The following CCDC144A variants were observed in gnomAD, a reference collection of about 807,000 sequenced individuals.
CCDC144A encodes coiled-coil domain containing 144A.
CCDC144A carries 41 observed loss-of-function variants against 143.8 expected under a neutral mutation model. The observed-to-expected ratio is 0.29, with a 90% CI of 0.22 to 0.37. The LOEUF (loss-of-function observed/expected upper bound fraction) is 0.37, where lower values mean the gene tolerates loss of function less well. CCDC144A is among the 10% of genes least tolerant of loss of function. The probability of loss-of-function intolerance (pLI) is 1.00; values close to 1 mark genes in which losing one functional copy is unlikely to be tolerated. For synonymous variants in CCDC144A, 242 were observed against 517.9 expected (o/e 0.47, Z 7.23); for missense variants, 637 against 1,488.8 (o/e 0.43, Z 9.41).
the CCDC144A span, among the ~76,000 whole-genome samples, chr17:16,682,650 G>C: frequency 6.6e-6 from 1 of 151,954 alleles, no homozygotes; most frequent in Non-Finnish European, 1.5e-5. Flanking sequence ...GGGGAAAGTG[G>C]GTTAAGTGTT....
chr17:16,704,925 G>T (rs1468569682), intron 2 of CCDC144A, among the ~76,000 whole-genome samples: 1 of 152,116 alleles, frequency 6.6e-6, no homozygotes, highest in Non-Finnish European at 1.5e-5. Context: ...GTAAGTAATA[G>T]TAAGCAGTAA....
At chr17:16,732,743 A>C in intron 11 of CCDC144A, 77 bp downstream of exon 11, 4 of 960,316 alleles carry the variant, frequency 4.2e-6, no homozygotes, top group Non-Finnish European at 6.0e-6. Context: ...GCAACTTGGA[A>C]AGTACAATGG....
intron 12 of CCDC144A, among the ~76,000 whole-genome samples, chr17:16,753,856 A>G (rs1914942304): frequency 6.6e-6 from 1 of 152,240 alleles, no homozygotes; most frequent in Non-Finnish European, 1.5e-5. Context: ...CCTTAGAGTA[A>G]TACTGAACTT....
intron 2 of CCDC144A, among the ~76,000 whole-genome samples, chr17:16,704,591 C>T (rs1911938258): frequency 6.6e-6 from 1 of 151,822 alleles, no homozygotes; most frequent in Non-Finnish European, 1.5e-5. Context: ...TAGACTAATC[C>T]TGTTCTCACA....
At chr17:16,755,862 CT>C (rs1915059295) in intron 12 of CCDC144A, among the ~76,000 whole-genome samples, 1 of 152,206 alleles carries the variant, frequency 6.6e-6, no homozygotes, top group Non-Finnish European at 1.5e-5. Flanking sequence ...CACCTGGCCC[CT>C]CTTTTTCAGT....
chr17:16,708,335 C>T (rs1456883506), intron 4 of CCDC144A, among the ~76,000 whole-genome samples: 4 of 152,212 alleles, frequency 2.6e-5, no homozygotes, highest in African/African-American at 9.6e-5. Context: ...TGCCTACCCT[C>T]CAGTTAGTAA....
intron 6 of CCDC144A, among the ~76,000 whole-genome samples, chr17:16,717,629 T>C (rs1320872631): frequency 6.6e-6 from 1 of 152,170 alleles, no homozygotes; most frequent in Non-Finnish European, 1.5e-5. Flanking sequence ...AAAATATAAC[T>C]TTCCATATAT....
chr17:16,683,862 T>C, the CCDC144A span: 6 of 1,393,456 alleles, frequency 4.3e-6, no homozygotes, highest in Middle Eastern at 2.5e-4. Flanking sequence ...TTTTCCTACA[T>C]GGGAGACTTC....
chr17:16,711,164 G>T (rs1208439739), intron 5 of CCDC144A, among the ~76,000 whole-genome samples: 24 of 57,822 alleles, frequency 4.2e-4, no homozygotes, highest in South Asian at 1.1e-3. Flanking sequence ...AAAAACAAAA[G>T]TTAGTGGGGG....
chr17:16,771,309 CAAAG>C (rs1915816380), intron 15 of CCDC144A, among the ~76,000 whole-genome samples: 1 of 152,226 alleles, frequency 6.6e-6, no homozygotes, highest in African/African-American at 2.4e-5. Context: ...ACTCATGAAT[CAAAG>C]AAACTAAGAT....
At chr17:16,737,717 G>C (rs1346493308) in intron 12 of CCDC144A, 1 of 910,192 alleles carries the variant, frequency 1.1e-6, no homozygotes, top group Non-Finnish European at 1.5e-6. Flanking sequence ...ATCTATAGGT[G>C]GTGAAATAAT....
chr17:16,687,880 A>G (rs1171740363), upstream of CCDC144A, among the ~76,000 whole-genome samples: 1 of 151,872 alleles, frequency 6.6e-6, no homozygotes. Context: ...TAGCATCCTG[A>G]GTAGCACACT....
At chr17:16,748,400 AT>A (rs1283067337) in intron 12 of CCDC144A, among the ~76,000 whole-genome samples, 16 of 152,178 alleles carry the variant, frequency 1.1e-4, no homozygotes, top group African/African-American at 3.9e-4. Context: ...ACATTTATTG[AT>A]TTGTGTACTT....
At chr17:16,706,467 T>G (rs1363567607) in intron 3 of CCDC144A, 1 of 140,672 alleles carries the variant, frequency 7.1e-6, no homozygotes, top group Non-Finnish European at 1.5e-5. Context: ...GAACTGCTGG[T>G]CCTGTCCTGC....
the CCDC144A span, among the ~76,000 whole-genome samples, chr17:16,674,739 T>C: frequency 0.11 from 17,421 of 152,016 alleles, 1,211 homozygotes; most frequent in East Asian, 0.33. Context: ...GATTTGAATA[T>C]CAAAACCAAT....
In CCDC144A at chr17:16,775,552, GTTTT is replaced by G. The variant is rs1216206924; in HGVS notation, c.*1925_*1928del. On this transcript the variant is annotated 3_prime_UTR_variant, in exon 17 of 17. Transcript: ENST00000399273. ...TTTGACCACTTTCTAATGGGGTTGA[GTTTT>G]TTTTTCTTGTAAATTTGTTTAAGTT... 3.3e-5 allele frequency: 5 copies of G among 152,014 alleles called. No individual in the cohort carries two copies. The highest frequency in any genetic ancestry group is 3.3e-4 in the Admixed American group (5 of 15,264). 9.4% of individuals were successfully genotyped at this position (152,014 alleles called of 1,614,324 possible).
chr17:16,676,411 T>A, the CCDC144A span, among the ~76,000 whole-genome samples: 1 of 150,358 alleles, frequency 6.7e-6, no homozygotes, highest in Non-Finnish European at 1.5e-5. Context: ...CTCGGGAGGC[T>A]GAGGCAGGAG....
chr17:16,745,769 C>T lies in CCDC144A; in HGVS notation c.3372+10126C>T, dbSNP rs1280431888. 9.9e-6 allele frequency: 16 copies of T among 1,612,984 alleles called. No individual in the cohort carries two copies. In the East Asian group the frequency reaches 3.6e-4, roughly 36 times the overall value. On this transcript the variant is annotated intron_variant, in intron 12 of 16. Transcript: ENST00000399273. ...GCAAGGCTGGCCGGTCCTTGTTTGC[C>T]AGTCGCTCTTTTCTGGGTGCTGGAC... is the stretch of plus-strand genomic sequence containing the variant.
chr17:16,714,799 AAC>A (rs1277749651), intron 6 of CCDC144A, among the ~76,000 whole-genome samples: 2 of 151,958 alleles, frequency 1.3e-5, no homozygotes, highest in Admixed American at 6.6e-5. Context: ...CCTAGAAGGC[AAC>A]ACACAATATG....
Sources: gnomAD v4.1 joint callset for allele counts (sites outside exome capture counted in the v4.1 genomes callset) on GRCh38, gnomAD v4.1.1 for gene constraint, MANE v1.5 for transcripts, NCBI Gene and HGNC (gene_info 2026-07-23, HGNC 2026-07-21) for gene names.